DCLK3: variants seen among roughly 807,000 people sequenced by gnomAD.
DCLK3 encodes the protein serine/threonine-protein kinase DCLK3.
A neutral mutation model predicts 46.4 loss-of-function variants in DCLK3; 30 were observed. The ratio of observed to expected loss-of-function variants is 0.65; its 90% CI spans 0.48 to 0.88. The LOEUF (loss-of-function observed/expected upper bound fraction) is 0.88. DCLK3 is among the 40% of genes least tolerant of loss of function. The probability of loss-of-function intolerance (pLI) is 0.00; values close to 1 mark genes in which losing one functional copy is unlikely to be tolerated. For synonymous variants in DCLK3, 401 were observed against 339.2 expected (o/e 1.18, Z -2.00); for missense variants, 846 against 907.1 (o/e 0.93, Z 0.87).
intron 2 of DCLK3, among the ~76,000 whole-genome samples, chr3:36,723,983 T>C (rs1049866970): frequency 6.6e-6 from 1 of 152,176 alleles, no homozygotes; most frequent in African/African-American, 2.4e-5. Flanking sequence ...CCACAGACTT[T>C]CAATGCCAGC....
rs113932480 is a variant in DCLK3, at chr3:36,714,967, A to G, written c.*361T>C. 6.4e-4 allele frequency: 122 copies of G among 192,072 alleles called. No individual in the cohort carries two copies. The highest frequency in any genetic ancestry group is 2.7e-3 in the African/African-American group (113 of 42,246). 11.9% of individuals were successfully genotyped at this position (192,072 alleles called of 1,614,324 possible). A position where few individuals can be genotyped will look rare whatever the true frequency, so the allele number is the denominator to read the frequency against. On this transcript the variant is annotated 3_prime_UTR_variant, in exon 5 of 5. Coordinates refer to ENST00000636136, the MANE Select transcript of DCLK3 (RefSeq NM_001394672.2). ...ATTTTATTAACACAGAAAGACCACA[A>G]TGCACCTTATTAATCTCACAGGGGG...
intron 1 of DCLK3, among the ~76,000 whole-genome samples, chr3:36,743,290 A>AC (rs1553612056): frequency 6.7e-6 from 1 of 149,582 alleles, no homozygotes; most frequent in Non-Finnish European, 1.5e-5. Context: ...AAAAAAAAAA[A>AC]CTCCTTGAAA....
At position 36,721,677 on chromosome 3, in the gene DCLK3, C is replaced by T. The variant is rs759602248; in HGVS notation, c.1960-18G>A. ...CGCTGAACCTGTAAGAAACCAAAAT[C>T]CCCAAACCACCAAAATTGTGATTAG... On this transcript the variant is annotated intron_variant, in intron 2 of 4. Transcript: ENST00000636136. 1.2e-6 allele frequency: 2 copies of T among 1,613,748 alleles called. No homozygotes were observed. The highest frequency in any genetic ancestry group is 1.7e-5 in the Admixed American group (1 of 59,968).
intron 1 of DCLK3, among the ~76,000 whole-genome samples, chr3:36,761,534 C>G (rs771465180): frequency 1.3e-5 from 2 of 152,164 alleles, no homozygotes; most frequent in Non-Finnish European, 2.9e-5. Context: ...TCAAAGAACT[C>G]CCCCACGTAT....
In DCLK3 at chr3:36,738,879, G is replaced by A; in HGVS notation, c.288C>T (p.Val96=). ...GCCCACCCAGCTTCACTACGGTCAC[G>A]ACCCTGGGCTTCAGAGGGCTGTTCT... is the stretch of plus-strand genomic sequence containing the variant. ...HPENSPLKPR[V]VTVVKLGGQR... Residue 96 remains valine, a synonymous_variant, in exon 2 of 5, where the codon GTC becomes GTT. Coordinates refer to ENST00000636136, the MANE Select transcript of DCLK3 (RefSeq NM_001394672.2). 3 of 477,050 alleles carry A rather than the reference G, an allele frequency of 6.3e-6. No homozygotes were observed. Among genetic ancestry groups the A allele is most frequent in the Non-Finnish European group, 1.0e-5 (3 of 296,150 alleles). 29.6% of individuals were successfully genotyped at this position (477,050 alleles called of 1,614,324 possible).
chr3:36,759,915 G>A (rs78589773), intron 1 of DCLK3, among the ~76,000 whole-genome samples: 4,855 of 152,196 alleles, frequency 0.032, 100 homozygotes, highest in Non-Finnish European at 0.049. Context: ...ACATTTCTAT[G>A]TCTCACACCT....
rs1270217651 is a variant in DCLK3 at position 36,738,808 on chromosome 3, T to C, written c.359A>G (p.Gln120Arg). Residue 120 changes from glutamine (Q) to arginine (R), a missense_variant, in exon 2 of 5, where the codon CAG (glutamine) becomes CGG (arginine). Physicochemically the swap from Gln to Arg is conservative, Grantham distance 43. This residue lies in a region of DCLK3 where 553 missense variants were observed against 543.0 expected (regional missense o/e 1.02). Coordinates refer to ENST00000636136, the MANE Select transcript of DCLK3 (RefSeq NM_001394672.2). ...GTCAGCTAAGAGCTGCTCGAACGTC[T>C]GCACTGATCGCCTGTTGAGGAGCAG... ...ITLLLNRRSV[Q>R]TFEQLLADIS... 1 of 1,008,982 alleles carries C rather than the reference T, an allele frequency of 9.9e-7. No homozygotes were observed. Among genetic ancestry groups the C allele is most frequent in the Non-Finnish European group, 1.3e-6 (1 of 760,866 alleles). 62.5% of individuals were successfully genotyped at this position (1,008,982 alleles called of 1,614,324 possible).
At chr3:36,756,458 C>A (rs1322058200) in intron 1 of DCLK3, among the ~76,000 whole-genome samples, 1 of 152,128 alleles carries the variant, frequency 6.6e-6, no homozygotes, top group African/African-American at 2.4e-5. Flanking sequence ...TGCTCAGGGA[C>A]CATGGACAGG....
chr3:36,749,023 T>C (rs1701416893), intron 1 of DCLK3, among the ~76,000 whole-genome samples: 1 of 152,174 alleles, frequency 6.6e-6, no homozygotes, highest in Non-Finnish European at 1.5e-5. Flanking sequence ...CTAGGTTTCA[T>C]GTTTCCTCCC....
intron 1 of DCLK3, among the ~76,000 whole-genome samples, chr3:36,741,953 G>T (rs1701348372): frequency 6.6e-6 from 1 of 152,186 alleles, no homozygotes. Flanking sequence ...GAAGAAATAG[G>T]AGAGGGATCC....
intron 2 of DCLK3, among the ~76,000 whole-genome samples, chr3:36,735,185 G>A (rs1392557662): frequency 2.0e-5 from 3 of 152,226 alleles, no homozygotes; most frequent in Non-Finnish European, 2.9e-5. Context: ...AAGAAGCAGA[G>A]AGTTGTTAAA....
intron 3 of DCLK3, among the ~76,000 whole-genome samples, chr3:36,719,575 C>G (rs1701031831): frequency 6.6e-6 from 1 of 152,156 alleles, no homozygotes; most frequent in African/African-American, 2.4e-5. Flanking sequence ...GCTGATCCCT[C>G]CTTCCTTCTC....
At position 36,751,820 on chromosome 3, in the gene DCLK3, A is replaced by T. The variant is rs966542506; in HGVS notation, c.82+12362T>A. On this transcript the variant is annotated intron_variant, in intron 1 of 4. Coordinates refer to ENST00000636136, the MANE Select transcript of DCLK3 (RefSeq NM_001394672.2). The stretch of plus-strand genomic sequence containing the variant: ...CCAGGTATGTGGTAGGCTGGCAATG[A>T]ACAGGTGTTGCACGGAAGAACCCAA... Among the ~76,000 whole-genome samples, 6 of 152,248 alleles carry T rather than the reference A, an allele frequency of 3.9e-5. No individual in the cohort carries two copies. The East Asian group carries it at 1.2e-3, about 29-fold the overall frequency.
intron 4 of DCLK3, among the ~76,000 whole-genome samples, chr3:36,717,172 G>A (rs1176976797): frequency 6.6e-6 from 1 of 152,128 alleles, no homozygotes; most frequent in East Asian, 1.9e-4. Context: ...CTGGAGTGTG[G>A]TGGCACAATC....
intron 2 of DCLK3, among the ~76,000 whole-genome samples, chr3:36,721,863 A>G (rs903082749): frequency 1.2e-4 from 18 of 152,248 alleles, no homozygotes; most frequent in African/African-American, 4.3e-4. Flanking sequence ...AGTTAGATTT[A>G]CTAGGCCGTC....
chr3:36,747,444 A>C (rs2125535111), intron 1 of DCLK3, among the ~76,000 whole-genome samples: 1 of 151,844 alleles, frequency 6.6e-6, no homozygotes, highest in South Asian at 2.1e-4. Context: ...AAAGGTATAT[A>C]TATATATTTC....
Position 36,751,063 on chromosome 3 carries a change from T to TAAAAAAAA in DCLK3, c.83-11987_83-11980dup, listed in dbSNP as rs5847933. Among the ~76,000 whole-genome samples the TAAAAAAAA allele has an allele frequency of 1.0e-3, 79 of 76,480 alleles. 19 individuals are homozygous for TAAAAAAAA. The highest frequency in any genetic ancestry group is 1.2e-3 in the Non-Finnish European group (52 of 44,172). The allele number at this position is 76,480 out of a possible 152,430, so 50.2% of individuals were successfully genotyped here. On this transcript the variant is annotated intron_variant, in intron 1 of 4. Transcript: ENST00000636136. ...TGATATCCCTGTAGACGGGATGATC[T>TAAAAAAAA]AAAAAAAAAAAAAAAAAAAAAAACT...
chr3:36,741,743 G>A (rs1326510563), intron 1 of DCLK3, among the ~76,000 whole-genome samples: 1 of 152,216 alleles, frequency 6.6e-6, no homozygotes, highest in Non-Finnish European at 1.5e-5. Context: ...GTAACATGGA[G>A]AAATGAATGG....
At position 36,737,384 on chromosome 3, in the gene DCLK3, C is replaced by G. The variant is rs779106841; in HGVS notation, c.1783G>C (p.Glu595Gln). The change falls in exon 2 of 5, where the codon GAA becomes CAA. Residue 595 changes from glutamate to glutamine, a missense_variant. Physicochemically the swap from Glu to Gln is conservative, Grantham distance 29 (BLOSUM62 2). Transcript: ENST00000636136. The surrounding 1 kb of genome is among the most constrained non-coding windows in gnomAD (Gnocchi z 4.4). ...KLHEVYETDM[E>Q]IYLILEYVQG... Reference sequence around the variant, plus strand: ...ACGTACTCCAGGATCAGGTAGATTTCCATGTCTGTTTCGTAGACTTCATGC... The same window carrying G: ...ACGTACTCCAGGATCAGGTAGATTTGCATGTCTGTTTCGTAGACTTCATGC... 35 of 1,614,066 alleles carry G rather than the reference C, an allele frequency of 2.2e-5. No homozygotes were observed. The highest frequency in any genetic ancestry group is 4.2e-6 in the Non-Finnish European group (5 of 1,180,048).
Sources: gnomAD v4.1 joint callset for allele counts (sites outside exome capture counted in the v4.1 genomes callset) on GRCh38, gnomAD v4.1.1 for gene constraint, gnomAD v4.1.1 regional missense constraint, Gnocchi (gnomAD v3.1) non-coding constraint, MANE v1.5 for transcripts, NCBI Gene and HGNC (gene_info 2026-07-23, HGNC 2026-07-21) for gene names.